The following PIERCE2 variants were observed in gnomAD, a reference collection of about 807,000 sequenced individuals.
PIERCE2 encodes piercer of microtubule wall 2.
At chr15:55,411,088 T>C in the PIERCE2 span, 1 of 152,210 alleles carries the variant, frequency 6.6e-6, no homozygotes, top group Non-Finnish European at 1.5e-5. Context: ...AACCATATTA[T>C]GCTAATACAA....
At chr15:55,409,509 G>A in the PIERCE2 span, among the ~76,000 whole-genome samples, 2 of 152,220 alleles carry the variant, frequency 1.3e-5, no homozygotes, top group South Asian at 2.1e-4. Context: ...ATAAATAAAT[G>A]GAAAAATTAA....
At chr15:55,416,002 T>C in the PIERCE2 span, among the ~76,000 whole-genome samples, 1 of 152,236 alleles carries the variant, frequency 6.6e-6, no homozygotes, top group East Asian at 1.9e-4. Flanking sequence ...TACAATAAAG[T>C]TTCTTAGGAT....
the PIERCE2 span, chr15:55,408,898 C>A: frequency 1.5e-6 from 1 of 685,112 alleles, no homozygotes. Flanking sequence ...AAGCACTTTA[C>A]AAGGCAACTA....
the PIERCE2 span, chr15:55,418,083 T>C: frequency 1.3e-6 from 2 of 1,570,480 alleles, no homozygotes; most frequent in Non-Finnish European, 1.7e-6. Flanking sequence ...TATGATGGCT[T>C]AGCTTGGGCT....
the PIERCE2 span, among the ~76,000 whole-genome samples, chr15:55,414,067 C>A: frequency 6.7e-6 from 1 of 148,848 alleles, no homozygotes; most frequent in Non-Finnish European, 1.5e-5. Context: ...CCGGCTAATT[C>A]TTTGTATTTT....
the PIERCE2 span, chr15:55,417,935 G>A: frequency 2.6e-5 from 14 of 548,964 alleles, no homozygotes; most frequent in East Asian, 3.2e-5. Flanking sequence ...GGTGCTCAGT[G>A]GGGGAGGTTC....
chr15:55,413,979 G>A, the PIERCE2 span, among the ~76,000 whole-genome samples: 1 of 150,360 alleles, frequency 6.7e-6, no homozygotes, highest in Non-Finnish European at 1.5e-5. Context: ...CTCAAGGCAA[G>A]CTCCATCTCC....
At chr15:55,408,777 C>G in the PIERCE2 span, 15 of 1,524,816 alleles carry the variant, frequency 9.8e-6, no homozygotes, top group Non-Finnish European at 1.3e-5. Flanking sequence ...AAATGACAGA[C>G]CGCAACCGGG....
At chr15:55,412,475 AT>A in the PIERCE2 span, among the ~76,000 whole-genome samples, 1 of 152,350 alleles carries the variant, frequency 6.6e-6, no homozygotes, top group East Asian at 1.9e-4. Flanking sequence ...TTACAAACAA[AT>A]TTTAGGCACA....
the PIERCE2 span, chr15:55,418,441 T>C: frequency 6.6e-7 from 1 of 1,523,440 alleles, no homozygotes; most frequent in Non-Finnish European, 8.8e-7. Flanking sequence ...TCCCCTGCAA[T>C]TATACTCCAA....
At chr15:55,415,628 G>A in the PIERCE2 span, among the ~76,000 whole-genome samples, 3 of 152,052 alleles carry the variant, frequency 2.0e-5, no homozygotes, top group Admixed American at 1.3e-4. Context: ...AGCAAGCAGC[G>A]GGTACGTGAC....
chr15:55,411,858 T>C, the PIERCE2 span, among the ~76,000 whole-genome samples: 1 of 151,804 alleles, frequency 6.6e-6, no homozygotes, highest in South Asian at 2.1e-4. Flanking sequence ...AAGGCGGAGG[T>C]TGCGGTGAGC....
chr15:55,416,286 G>T, the PIERCE2 span, among the ~76,000 whole-genome samples: 1 of 152,038 alleles, frequency 6.6e-6, no homozygotes, highest in Non-Finnish European at 1.5e-5. Context: ...ATTTTTAGTA[G>T]AGACGGGGTT....
the PIERCE2 span, among the ~76,000 whole-genome samples, chr15:55,414,886 GA>G: frequency 2.0e-5 from 3 of 151,768 alleles, no homozygotes; most frequent in Middle Eastern, 3.2e-3. Context: ...TCAAAAAAAA[GA>G]AAAACAAAAC....
chr15:55,415,152 C>G, the PIERCE2 span, among the ~76,000 whole-genome samples: 1 of 151,980 alleles, frequency 6.6e-6, no homozygotes, highest in Non-Finnish European at 1.5e-5. Flanking sequence ...GCAGACAAAA[C>G]CCCTCAGACA....
At chr15:55,418,541 G>A in the PIERCE2 span, 1 of 1,496,410 alleles carries the variant, frequency 6.7e-7, no homozygotes, top group East Asian at 2.5e-5. Flanking sequence ...CAGAACTCTT[G>A]ATTTTCCTAA....
chr15:55,412,639 A>G, the PIERCE2 span, among the ~76,000 whole-genome samples: 1 of 152,186 alleles, frequency 6.6e-6, no homozygotes, highest in Non-Finnish European at 1.5e-5. Flanking sequence ...ACACTGTGGC[A>G]TGTACCTGAA....
At chr15:55,409,769 T>C in the PIERCE2 span, among the ~76,000 whole-genome samples, 1 of 152,180 alleles carries the variant, frequency 6.6e-6, no homozygotes, top group Non-Finnish European at 1.5e-5. Flanking sequence ...AAGGTCAAAG[T>C]GGTCTGGCTT....
the PIERCE2 span, chr15:55,408,928 C>A: frequency 3.4e-6 from 2 of 584,772 alleles, no homozygotes; most frequent in Non-Finnish European, 6.0e-6. Flanking sequence ...TACATTTACA[C>A]TTGTAAATGC....
Sources: gnomAD v4.1 joint callset for allele counts (sites outside exome capture counted in the v4.1 genomes callset) on GRCh38, gnomAD v4.1.1 for gene constraint, MANE v1.5 for transcripts, NCBI Gene and HGNC (gene_info 2026-07-23, HGNC 2026-07-21) for gene names.